The following R3HDM1 variants were observed in gnomAD, a reference collection of about 807,000 sequenced individuals.
R3HDM1 encodes the protein R3H domain-containing protein 1.
A neutral mutation model predicts 141.1 loss-of-function variants in R3HDM1; 46 were observed. That is an observed-to-expected ratio of 0.33 (90% confidence interval 0.26 to 0.42). The LOEUF (loss-of-function observed/expected upper bound fraction) is 0.42. R3HDM1 is among the 10% of genes least tolerant of loss of function. The pLI is 1.00. For synonymous variants in R3HDM1, 435 were observed against 472.9 expected, an observed-to-expected ratio of 0.92 and a Z score of 1.04; for missense variants, 1,184 against 1,368.3, an observed-to-expected ratio of 0.87 and a Z score of 2.12.
chr2:135,568,448 C>T (rs1345706926), intron 1 of R3HDM1, among the ~76,000 whole-genome samples: 1 of 151,996 alleles, frequency 6.6e-6, no homozygotes, highest in Non-Finnish European at 1.5e-5. Flanking sequence ...CTCGCAGGTT[C>T]GAGTGATTCT....
At chr2:135,661,563 T>G (rs2066714896) in intron 19 of R3HDM1, among the ~76,000 whole-genome samples, 170 bp downstream of exon 19, 1 of 152,348 alleles carries the variant, frequency 6.6e-6, no homozygotes, top group Admixed American at 6.5e-5. Flanking sequence ...CTTAGCATCC[T>G]CTGGAAAATA....
rs1032419218 is a variant in R3HDM1 at position 135,560,248 on chromosome 2, C to A, written c.-250+28615C>A. 2.4e-4 allele frequency among the ~76,000 whole-genome samples: 37 copies of A among 152,336 alleles called. No homozygotes were observed. In the East Asian group the frequency reaches 3.5e-3, roughly 14 times the overall value. ...GTGTAAACCAAAGAATTTAAACATG[C>A]TGCAGGTGATACTTAGATTCCCTTT... On this transcript the variant is annotated intron_variant, in intron 1 of 26. Coordinates refer to ENST00000683871, the MANE Select transcript of R3HDM1 (RefSeq NM_001378107.1).
chr2:135,703,015 G>A (rs2074440436), intron 21 of R3HDM1, among the ~76,000 whole-genome samples: 1 of 152,162 alleles, frequency 6.6e-6, no homozygotes, highest in Non-Finnish European at 1.5e-5. Flanking sequence ...TCATCCTAAT[G>A]CGCTGGTCAG....
Position 135,578,888 on chromosome 2 carries a change from G to C in R3HDM1, c.-249-23612G>C, listed in dbSNP as rs1360235538. Among the ~76,000 whole-genome samples the C allele has an allele frequency of 2.6e-5, 4 of 152,152 alleles. No homozygotes were observed. The East Asian group carries it at 7.7e-4, about 29-fold the overall frequency. The stretch of plus-strand genomic sequence containing the variant: ...AAGATAGTAGGCTAGAATTAACCCT[G>C]TGTTCATTGACTGGAGTTTGAGGTA... On this transcript the variant is annotated intron_variant, in intron 1 of 26. Transcript: ENST00000683871.
At chr2:135,692,069 C>T (rs2105382077) in intron 21 of R3HDM1, among the ~76,000 whole-genome samples, 1 of 152,152 alleles carries the variant, frequency 6.6e-6, no homozygotes, top group East Asian at 2.0e-4. Flanking sequence ...GCCGCCACCA[C>T]ACCTGGCTAA....
chr2:135,626,184 C>T (rs2062003998), intron 7 of R3HDM1, among the ~76,000 whole-genome samples: 1 of 143,334 alleles, frequency 7.0e-6, no homozygotes, highest in Admixed American at 7.0e-5. Context: ...TGCTTGCTTG[C>T]GTGCGTGCGT....
chr2:135,580,222 A>G (rs57966569), intron 1 of R3HDM1, among the ~76,000 whole-genome samples: 6,737 of 152,222 alleles, frequency 0.044, 503 homozygotes, highest in African/African-American at 0.15. Flanking sequence ...CTGCACTCCA[A>G]CTTGGGCAAG....
chr2:135,580,230 A>G (rs894647491), intron 1 of R3HDM1, among the ~76,000 whole-genome samples: 1 of 152,158 alleles, frequency 6.6e-6, no homozygotes, highest in African/African-American at 2.4e-5. Flanking sequence ...CAACTTGGGC[A>G]AGAGGGACAC....
intron 1 of R3HDM1, among the ~76,000 whole-genome samples, chr2:135,548,476 G>A (rs751747081): frequency 2.0e-5 from 3 of 152,104 alleles, no homozygotes; most frequent in Non-Finnish European, 4.4e-5. Flanking sequence ...CATTCAATTA[G>A]TTTTTGACAA....
chr2:135,653,409 G>A (rs1359286860), intron 18 of R3HDM1, among the ~76,000 whole-genome samples: 2 of 151,924 alleles, frequency 1.3e-5, no homozygotes, highest in African/African-American at 2.4e-5. Context: ...AGTGATTTTA[G>A]ATTTTTCTTC....
intron 19 of R3HDM1, among the ~76,000 whole-genome samples, chr2:135,670,923 G>A (rs1308669264): frequency 6.6e-6 from 1 of 151,790 alleles, no homozygotes; most frequent in Non-Finnish European, 1.5e-5. Context: ...GCTAGGTGAG[G>A]TGGCGCGCAC....
At chr2:135,650,259 T>C (rs1479150834) in intron 17 of R3HDM1, 7 of 984,974 alleles carry the variant, frequency 7.1e-6, no homozygotes, top group Non-Finnish European at 8.4e-6. Context: ...TTGATTATTC[T>C]AGTCCTAAGA....
intron 3 of R3HDM1, among the ~76,000 whole-genome samples, chr2:135,613,022 G>C (rs1224742534): frequency 1.3e-5 from 2 of 152,108 alleles, no homozygotes; most frequent in Non-Finnish European, 2.9e-5. Context: ...GCAATTTATG[G>C]TTTACTTATA....
At position 135,672,853 on chromosome 2, in the gene R3HDM1, C is replaced by G. The variant is rs535211759; in HGVS notation, c.2153-2479C>G. On this transcript the variant is annotated intron_variant, in intron 19 of 26. Coordinates refer to ENST00000683871, the MANE Select transcript of R3HDM1 (RefSeq NM_001378107.1). ...AGCCACGGTAGCTCTCGCCTGTAAT[C>G]CCAGCACTTTGGGAGGCTGAGGTGG... Among the ~76,000 whole-genome samples, 6 of 152,232 alleles carry G rather than the reference C, an allele frequency of 3.9e-5. No individual in the cohort carries two copies. In the South Asian group the frequency reaches 1.2e-3, roughly 32 times the overall value.
chr2:135,650,978 A>G, intron 17 of R3HDM1: 1 of 985,344 alleles, frequency 1.0e-6, no homozygotes, highest in South Asian at 4.7e-5. Flanking sequence ...TTTCAGTGAT[A>G]TTTTTCTGGA....
rs1253535854 is a variant in R3HDM1, at chr2:135,709,309, G to A, written c.2460-124G>A. 1.6e-5 allele frequency: 21 copies of A among 1,304,374 alleles called. No homozygotes were observed. In the East Asian group the frequency reaches 2.2e-4, roughly 14 times the overall value. The allele number at this position is 1,304,374 out of a possible 1,614,324, so 80.8% of individuals were successfully genotyped here. A position where few individuals can be genotyped will look rare whatever the true frequency, so the allele number is the denominator to read the frequency against. ...AGGATGTTCTCGATCTCCTGACCTC[G>A]TGATCCGCCCGCCTTGGCCTCCCAA... On this transcript the variant is annotated intron_variant, in intron 21 of 26. Coordinates refer to ENST00000683871, the MANE Select transcript of R3HDM1 (RefSeq NM_001378107.1).
intron 21 of R3HDM1, among the ~76,000 whole-genome samples, chr2:135,682,768 G>A (rs577769551): frequency 4.0e-5 from 6 of 151,750 alleles, no homozygotes; most frequent in African/African-American, 9.7e-5. Context: ...AAGCTGAGGC[G>A]GGTGGATCAC....
At chr2:135,552,184 T>A (rs1699953087) in intron 1 of R3HDM1, among the ~76,000 whole-genome samples, 1 of 151,064 alleles carries the variant, frequency 6.6e-6, no homozygotes, top group Non-Finnish European at 1.5e-5. Context: ...TAATCCAGAA[T>A]TTTTTTTTCT....
intron 1 of R3HDM1, among the ~76,000 whole-genome samples, chr2:135,585,580 C>T (rs759483530): frequency 3.3e-5 from 5 of 152,194 alleles, no homozygotes; most frequent in Non-Finnish European, 5.9e-5. Flanking sequence ...AAAACATACT[C>T]ATCTGGTTTA....
Sources: allele counts gnomAD v4.1 joint callset (sites outside exome capture counted in the v4.1 genomes callset), GRCh38; gene constraint gnomAD v4.1.1; transcripts MANE v1.5; gene names NCBI Gene and HGNC (gene_info 2026-07-23, HGNC 2026-07-21).